Variants in PPM1L observed in about 807,000 individuals in gnomAD.
The protein encoded by PPM1L is protein phosphatase 1L.
Under a neutral mutation model 31.4 loss-of-function variants are expected in PPM1L, and 13 were observed. The observed-to-expected ratio is 0.41, with a 90% CI of 0.27 to 0.66. The LOEUF (loss-of-function observed/expected upper bound fraction) is 0.66. Ranked by LOEUF, PPM1L falls within the 30% of genes least tolerant of loss-of-function variation. The pLI is 0.29. For missense variants in PPM1L, 326 were observed against 453.7 expected, an observed-to-expected ratio of 0.72 and a Z score of 2.56; for synonymous variants, 184 against 175.4, an observed-to-expected ratio of 1.05 and a Z score of -0.39.
chr3:160,964,907 A>T (rs1372124424), intron 2 of PPM1L, among the ~76,000 whole-genome samples: 1 of 152,110 alleles, frequency 6.6e-6, no homozygotes, highest in South Asian at 2.1e-4. Flanking sequence ...AAGAAAAAAC[A>T]TTACTATTTA....
chr3:160,775,858 T>G (rs762549546), intron 1 of PPM1L, among the ~76,000 whole-genome samples: 17 of 152,144 alleles, frequency 1.1e-4, no homozygotes, highest in Non-Finnish European at 2.4e-4. Flanking sequence ...ATTTAGTGAA[T>G]ATCAAAAAGT....
intron 1 of PPM1L, among the ~76,000 whole-genome samples, chr3:160,911,540 A>G (rs1337725532): frequency 6.6e-6 from 1 of 152,184 alleles, no homozygotes; most frequent in Admixed American, 6.5e-5. Flanking sequence ...CTTCTGGCCT[A>G]TGACTTAGAC....
At chr3:161,046,619 G>A (rs1256456587) in intron 2 of PPM1L, among the ~76,000 whole-genome samples, 4 of 152,024 alleles carry the variant, frequency 2.6e-5, no homozygotes, top group African/African-American at 4.8e-5. Context: ...TACCAAAGCC[G>A]GGCAGAGACA....
chr3:160,936,562 T>C (rs1359610259), intron 1 of PPM1L, among the ~76,000 whole-genome samples: 1 of 152,256 alleles, frequency 6.6e-6, no homozygotes, highest in Non-Finnish European at 1.5e-5. Context: ...TTTTGAAATA[T>C]GGTTTCAGAA....
chr3:160,832,706 A>G (rs1713560797), intron 1 of PPM1L, among the ~76,000 whole-genome samples: 1 of 152,198 alleles, frequency 6.6e-6, no homozygotes, highest in East Asian at 1.9e-4. Flanking sequence ...TGGTGCAATA[A>G]TGTTAACTAC....
chr3:160,887,901 TC>T (rs1482599915), intron 1 of PPM1L, among the ~76,000 whole-genome samples: 1 of 152,128 alleles, frequency 6.6e-6, no homozygotes, highest in Non-Finnish European at 1.5e-5. Context: ...AGAAAAGAAT[TC>T]TCAACCTAGA....
At chr3:160,786,149 CTCTCTCTCTGTGTGTG>C (rs1711915903) in intron 1 of PPM1L, among the ~76,000 whole-genome samples, 1 of 89,054 alleles carries the variant, frequency 1.1e-5, no homozygotes, top group African/African-American at 7.8e-5. Flanking sequence ...CTCTCTCTCT[CTCTCTCTCTGTGTGTG>C]TGTGTGTGTG....
chr3:160,845,703 A>C (rs2108108689), intron 1 of PPM1L, among the ~76,000 whole-genome samples: 1 of 152,112 alleles, frequency 6.6e-6, no homozygotes, highest in East Asian at 1.9e-4. Flanking sequence ...CTTCCTTCTA[A>C]AAATTATATA....
In PPM1L at chr3:160,788,107, T is replaced by A. The variant is rs986810783; in HGVS notation, c.399+31400T>A. On this transcript the variant is annotated intron_variant, in intron 1 of 3. Coordinates refer to ENST00000498165, the MANE Select transcript of PPM1L (RefSeq NM_139245.4). ...GCTTTGGCTATTGTGGGCTCTTTTTTTTGGTTCCATAGAATTTCAAAATAG... is the reference window on the plus strand; with the variant it reads ...GCTTTGGCTATTGTGGGCTCTTTTTATTGGTTCCATAGAATTTCAAAATAG... Among the ~76,000 whole-genome samples, 3 of 152,142 alleles carry A rather than the reference T, an allele frequency of 2.0e-5. No homozygotes were observed. The East Asian group carries it at 5.8e-4, about 29-fold the overall frequency.
At chr3:160,937,947 T>A (rs1364826536) in intron 1 of PPM1L, among the ~76,000 whole-genome samples, 1 of 152,230 alleles carries the variant, frequency 6.6e-6, no homozygotes, top group Non-Finnish European at 1.5e-5. Context: ...AGTTTGTTGA[T>A]ACTTAAATTT....
chr3:160,989,467 C>T (rs112236237), intron 2 of PPM1L, among the ~76,000 whole-genome samples: 3,360 of 150,460 alleles, frequency 0.022, 137 homozygotes, highest in African/African-American at 0.077. Flanking sequence ...TGCAATGCTG[C>T]GATCTTGGCT....
intron 1 of PPM1L, chr3:160,939,795 T>A (rs1328241193): frequency 6.1e-6 from 1 of 163,812 alleles, no homozygotes; most frequent in Non-Finnish European, 1.3e-5. Flanking sequence ...ACTAATACAG[T>A]AAATTGGTAT....
Position 160,943,809 on chromosome 3 carries a change from G to A in PPM1L, c.400-17927G>A, listed in dbSNP as rs185516085. ...AGATTTGTGTTAGAAAAGAAAGCTT[G>A]GTTTGTTGTGTGTGTCTCATAAGTC... On this transcript the variant is annotated intron_variant, in intron 1 of 3. Transcript: ENST00000498165. Among the ~76,000 whole-genome samples, 19 of 152,134 alleles carry A rather than the reference G, an allele frequency of 1.2e-4. No individual in the cohort carries two copies. The East Asian group carries it at 3.5e-3, about 28-fold the overall frequency.
At chr3:160,903,208 TTG>T (rs59232471) in intron 1 of PPM1L, among the ~76,000 whole-genome samples, 9,155 of 119,768 alleles carry the variant, frequency 0.076, 692 homozygotes, top group African/African-American at 0.24. Flanking sequence ...GTGTGTATGT[TTG>T]TGTGTGTGTG....
chr3:160,757,653 A>G lies in PPM1L; in HGVS notation c.399+946A>G, dbSNP rs140543418. On this transcript the variant is annotated intron_variant, in intron 1 of 3. Transcript: ENST00000498165. ...AATGTGGCTCTAGCGCCATGCTCCA[A>G]AGAACACTGGGCCAATCACCCCATC... 2.6e-3 allele frequency among the ~76,000 whole-genome samples: 401 copies of G among 152,362 alleles called. 2 individuals are homozygous for G. The highest frequency in any genetic ancestry group is 9.4e-3 in the African/African-American group (390 of 41,584).
chr3:161,059,661 C>G (rs928880483), intron 2 of PPM1L, among the ~76,000 whole-genome samples: 16 of 152,028 alleles, frequency 1.1e-4, no homozygotes, highest in African/African-American at 3.9e-4. Flanking sequence ...ATCTGTGTCC[C>G]TTCCCAAATC....
intron 1 of PPM1L, among the ~76,000 whole-genome samples, chr3:160,823,941 A>G (rs766856117): frequency 1.3e-5 from 2 of 152,182 alleles, no homozygotes; most frequent in Non-Finnish European, 2.9e-5. Flanking sequence ...TTGTGGACAT[A>G]ATATCAAGAG....
At chr3:160,935,076 C>T (rs1046987847) in intron 1 of PPM1L, among the ~76,000 whole-genome samples, 4 of 152,118 alleles carry the variant, frequency 2.6e-5, no homozygotes, top group African/African-American at 9.7e-5. Context: ...AAGCCCCAAA[C>T]CCTGAAGGTA....
At chr3:160,840,451 G>A (rs904706072) in intron 1 of PPM1L, among the ~76,000 whole-genome samples, 1 of 152,058 alleles carries the variant, frequency 6.6e-6, no homozygotes, top group Non-Finnish European at 1.5e-5. Context: ...ATAGATATAC[G>A]AGCTGAAATT....
Sources: gnomAD v4.1 joint callset for allele counts (sites outside exome capture counted in the v4.1 genomes callset) on GRCh38, gnomAD v4.1.1 for gene constraint, MANE v1.5 for transcripts, NCBI Gene and HGNC (gene_info 2026-07-23, HGNC 2026-07-21) for gene names.